The following WWP1 variants were observed in gnomAD, a reference collection of about 807,000 sequenced individuals.
WWP1 encodes NEDD4-like E3 ubiquitin-protein ligase WWP1.
In WWP1, 49 loss-of-function variants were observed where a neutral mutation model predicts 130.6. The ratio of observed to expected loss-of-function variants is 0.38; its 90% confidence interval spans 0.30 to 0.48. The LOEUF is 0.48. Ranked by LOEUF, WWP1 falls within the 20% of genes least tolerant of loss-of-function variation. The pLI is 0.99. For synonymous variants in WWP1, 332 were observed against 367.8 expected (o/e 0.90, Z 1.11); for missense variants, 809 against 1,100.6 (o/e 0.74, Z 3.75).
chr8:86,438,474 A>T, intron 16 of WWP1, 111 bp from the exon 17 acceptor site: 1 of 783,318 alleles, frequency 1.3e-6, no homozygotes, highest in Non-Finnish European at 1.9e-6. Context: ...AAAGCATTGT[A>T]TAAGATAAGG....
chr8:86,343,551 T>C (rs1822368646), intron 1 of WWP1, among the ~76,000 whole-genome samples: 1 of 151,964 alleles, frequency 6.6e-6, no homozygotes, highest in Non-Finnish European at 1.5e-5. Flanking sequence ...CTTCGTGTTC[T>C]TTTTTTAAAA....
At chr8:86,409,226 CTTTTTTTT>C (rs1230976832) in intron 8 of WWP1, among the ~76,000 whole-genome samples, 4 of 100,522 alleles carry the variant, frequency 4.0e-5, no homozygotes, top group Admixed American at 1.1e-4. Context: ...CTTTTTCTTT[CTTTTTTTT>C]TTTTTTTTTT....
At chr8:86,355,442 A>G (rs1366707135) in intron 1 of WWP1, among the ~76,000 whole-genome samples, 1 of 152,242 alleles carries the variant, frequency 6.6e-6, no homozygotes, top group Non-Finnish European at 1.5e-5. Context: ...ATGCCAAAAT[A>G]TTAAAAATTT....
chr8:86,369,778 G>A (rs1278551801), intron 2 of WWP1, among the ~76,000 whole-genome samples: 3 of 152,124 alleles, frequency 2.0e-5, no homozygotes, highest in African/African-American at 7.2e-5. Context: ...TTTCTTGGAA[G>A]ACTAAATGCT....
rs141890424 is a variant in WWP1, at chr8:86,393,954, A to G, written c.335-4388A>G. ...CTTGGAGTACTCACCATGGGAAATC[A>G]GCAACCATTGAGAAGACTCTCACAA... is the stretch of plus-strand genomic sequence containing the variant. On this transcript the variant is annotated intron_variant, in intron 5 of 24. Transcript: ENST00000517970. Among the ~76,000 whole-genome samples, 157 of 152,362 alleles carry G rather than the reference A, an allele frequency of 1.0e-3. 1 individual carries two copies. The highest frequency in any genetic ancestry group is 2.5e-3 in the South Asian group (12 of 4,830).
intron 18 of WWP1, among the ~76,000 whole-genome samples, chr8:86,447,455 A>G (rs1018234304): frequency 2.6e-5 from 4 of 151,982 alleles, no homozygotes; most frequent in Non-Finnish European, 5.9e-5. Context: ...TTTAGTAAGG[A>G]CGGGGTTTCA....
rs1822252472 is a variant in WWP1, at chr8:86,342,642, G to C, written c.-403G>C. On this transcript the variant is annotated 5_prime_UTR_variant, in exon 1 of 25. Coordinates refer to ENST00000517970, the MANE Select transcript of WWP1 (RefSeq NM_007013.4). ...CGCGCGCTTAGGGCGCGGCGCCGGCGACGCGGCCACGCGGCGCGCTCCCGA... is the reference window on the plus strand; with the variant it reads ...CGCGCGCTTAGGGCGCGGCGCCGGCCACGCGGCCACGCGGCGCGCTCCCGA... The C allele has an allele frequency of 7.8e-6, 2 of 255,648 alleles. No homozygotes were observed. The highest frequency in any genetic ancestry group is 5.6e-5 in the Admixed American group (1 of 17,824). 15.8% of individuals were successfully genotyped at this position (255,648 alleles called of 1,614,324 possible). A position where few individuals can be genotyped will look rare whatever the true frequency, so the allele number is the denominator to read the frequency against.
At chr8:86,396,585 A>G (rs920878609) in intron 5 of WWP1, among the ~76,000 whole-genome samples, 1 of 148,488 alleles carries the variant, frequency 6.7e-6, no homozygotes, top group African/African-American at 2.5e-5. Flanking sequence ...TTTTTTGCAA[A>G]GAATTTCTTT....
intron 5 of WWP1, among the ~76,000 whole-genome samples, chr8:86,395,718 CAG>C (rs1052032316): frequency 2.6e-5 from 4 of 152,062 alleles, no homozygotes; most frequent in Admixed American, 2.0e-4. Flanking sequence ...TAGAGAAAAA[CAG>C]AGTATTTGCA....
At chr8:86,432,088 C>T (rs1351240284) in intron 14 of WWP1, among the ~76,000 whole-genome samples, 1 of 152,080 alleles carries the variant, frequency 6.6e-6, no homozygotes, top group Non-Finnish European at 1.5e-5. Context: ...AGTTATAAGG[C>T]AAGTAATGGA....
At chr8:86,381,402 T>C (rs1304681787) in intron 4 of WWP1, 103 bp from the exon 5 acceptor site, 1 of 1,382,384 alleles carries the variant, frequency 7.2e-7, no homozygotes, top group Non-Finnish European at 9.7e-7. Context: ...AATTCACGGT[T>C]TTTAAAACAT....
chr8:86,464,912 T>TGC (rs1281838396), intron 24 of WWP1, among the ~76,000 whole-genome samples: 3 of 137,668 alleles, frequency 2.2e-5, no homozygotes, highest in Non-Finnish European at 4.7e-5. Flanking sequence ...TATACACACA[T>TGC]GCGCGCGCGT....
intron 21 of WWP1, 121 bp downstream of exon 21, chr8:86,452,800 A>T: frequency 2.2e-5 from 27 of 1,228,632 alleles, no homozygotes; most frequent in Non-Finnish European, 3.0e-5. Flanking sequence ...GAATCCTCTC[A>T]TTTGTCCTGA....
chr8:86,389,709 C>G (rs1446239163), intron 5 of WWP1, among the ~76,000 whole-genome samples: 1 of 152,200 alleles, frequency 6.6e-6, no homozygotes, highest in Non-Finnish European at 1.5e-5. Flanking sequence ...CAGACGGGCT[C>G]CTCACTTCCC....
chr8:86,456,762 A>G (rs916331705), intron 21 of WWP1, among the ~76,000 whole-genome samples: 3 of 152,036 alleles, frequency 2.0e-5, no homozygotes, highest in African/African-American at 7.2e-5. Flanking sequence ...AATACTATTC[A>G]GTGATAGAAA....
At chr8:86,414,545 A>G (rs1808773783) in intron 9 of WWP1, among the ~76,000 whole-genome samples, 3 of 152,020 alleles carry the variant, frequency 2.0e-5, no homozygotes, top group South Asian at 4.2e-4. Context: ...GCAGTTTTCA[A>G]CTCCACATCA....
intron 9 of WWP1, among the ~76,000 whole-genome samples, chr8:86,416,091 C>T (rs915532898): frequency 9.9e-5 from 15 of 152,186 alleles, no homozygotes; most frequent in African/African-American, 2.9e-4. Context: ...CTGAAAGGCA[C>T]TCATTGAACT....
At chr8:86,418,527 G>A (rs1809016011) in intron 9 of WWP1, among the ~76,000 whole-genome samples, 1 of 152,134 alleles carries the variant, frequency 6.6e-6, no homozygotes, top group Admixed American at 6.5e-5. Context: ...AAACCCAAGA[G>A]AGCTGGATTC....
intron 1 of WWP1, among the ~76,000 whole-genome samples, chr8:86,365,844 A>T (rs1224013119): frequency 6.6e-6 from 1 of 152,128 alleles, no homozygotes; most frequent in Admixed American, 6.5e-5. Flanking sequence ...TTCTTTCCCA[A>T]ATAGTTAGAT....
Sources: allele counts gnomAD v4.1 joint callset (sites outside exome capture counted in the v4.1 genomes callset), GRCh38; gene constraint gnomAD v4.1.1; transcripts MANE v1.5; gene names NCBI Gene and HGNC (gene_info 2026-07-23, HGNC 2026-07-21).